ANKS6: variants seen among roughly 807,000 people sequenced by gnomAD.
ANKS6 encodes the protein ankyrin repeat and sterile alpha motif domain containing 6.
ANKS6 carries 47 observed loss-of-function variants against 77.9 expected under a neutral mutation model. The ratio of observed to expected loss-of-function variants is 0.60; its 90% CI spans 0.48 to 0.77. ANKS6 has a LOEUF of 0.77. ANKS6 is among the 30% of genes least tolerant of loss of function. ANKS6 has a pLI of 0.00. For synonymous variants in ANKS6, 488 were observed against 501.7 expected (o/e 0.97, Z 0.37); for missense variants, 1,150 against 1,159.1 (o/e 0.99, Z 0.11).
At chr9:98,758,637 ACT>A (rs573687165) in intron 11 of ANKS6, among the ~76,000 whole-genome samples, 38 of 152,102 alleles carry the variant, frequency 2.5e-4, no homozygotes, top group African/African-American at 8.7e-4. Flanking sequence ...TGTGTGTGCA[ACT>A]CTCTGTGTAT....
intron 12 of ANKS6, 53 bp from the exon 13 acceptor site, chr9:98,751,149 T>C: frequency 7.0e-7 from 1 of 1,427,178 alleles, no homozygotes; most frequent in South Asian, 1.2e-5. Flanking sequence ...TTTGGTAAAG[T>C]GGTCTTCAAA....
chr9:98,739,265 A>C (rs923523019), intron 14 of ANKS6, among the ~76,000 whole-genome samples: 2 of 152,026 alleles, frequency 1.3e-5, no homozygotes, highest in Admixed American at 1.3e-4. Context: ...CCAATAATCT[A>C]TGGAAATAAA....
At position 98,771,040 on chromosome 9, in the gene ANKS6, C is replaced by A; in HGVS notation, c.1828G>T (p.Val610Phe). 2 of 1,566,538 alleles carry A rather than the reference C, an allele frequency of 1.3e-6. No individual in the cohort carries two copies. The highest frequency in any genetic ancestry group is 1.7e-4 in the Middle Eastern group (1 of 5,878). Reference protein sequence around the residue: ...VGGGGTDTTPVRPVKFPSLPR... With the variant: ...VGGGGTDTTPFRPVKFPSLPR... ...AGGCTTGGAAATTTAACAGGCCTGA[C>A]GGGTGTCTACAAGAATAAGGCAGGT... Residue 610 changes from valine to phenylalanine, a missense_variant, in exon 10 of 15, where the codon GTC (valine) becomes TTC (phenylalanine). Val to Phe is a conservative substitution (Grantham distance 50). Transcript: ENST00000353234.
intron 2 of ANKS6, among the ~76,000 whole-genome samples, chr9:98,787,648 G>A (rs1475247211): frequency 6.6e-6 from 1 of 152,126 alleles, no homozygotes; most frequent in Admixed American, 6.5e-5. Flanking sequence ...ATGTGCCAGG[G>A]CACTGCGATG....
At chr9:98,744,493 C>T (rs1253265883) in intron 14 of ANKS6, among the ~76,000 whole-genome samples, 1 of 152,190 alleles carries the variant, frequency 6.6e-6, no homozygotes, top group Non-Finnish European at 1.5e-5. Context: ...GTAAGGACAT[C>T]GGCCTCCTTG....
intron 11 of ANKS6, among the ~76,000 whole-genome samples, chr9:98,760,386 ACCCTCTAATCCTACCCTCTAATCCTG>A (rs1005868062): frequency 2.7e-5 from 4 of 150,512 alleles, no homozygotes; most frequent in Non-Finnish European, 5.9e-5. Flanking sequence ...GAAAGGCTCA[ACCCTCTAATCCTACCCTCTAATCCTG>A]CCCTCTAATC....
intron 13 of ANKS6, among the ~76,000 whole-genome samples, chr9:98,750,031 T>C (rs887266490): frequency 6.6e-6 from 1 of 152,266 alleles, no homozygotes; most frequent in Non-Finnish European, 1.5e-5. Context: ...TCATCTACCA[T>C]AAAATTCACC....
chr9:98,736,043 T>C lies in ANKS6; in HGVS notation c.*476A>G, dbSNP rs1328434996. On this transcript the variant is annotated 3_prime_UTR_variant, in exon 15 of 15. Transcript: ENST00000353234. ...AAGTTGTTGCTGGGAAGCCACTATGTGGAGACTGCACATCCTGGCCTCCTC... is the reference window on the plus strand; with the variant it reads ...AAGTTGTTGCTGGGAAGCCACTATGCGGAGACTGCACATCCTGGCCTCCTC... 1.2e-5 allele frequency: 14 copies of C among 1,193,116 alleles called. No individual in the cohort carries two copies. Among genetic ancestry groups the C allele is most frequent in the African/African-American group, 4.7e-5 (3 of 63,668 alleles). 73.9% of individuals were successfully genotyped at this position (1,193,116 alleles called of 1,614,324 possible).
intron 1 of ANKS6, among the ~76,000 whole-genome samples, chr9:98,793,559 T>C (rs979865295): frequency 6.6e-6 from 1 of 152,082 alleles, no homozygotes; most frequent in African/African-American, 2.4e-5. Flanking sequence ...TCTCGCTCTG[T>C]CGCCAGGCTG....
At chr9:98,768,452 G>A (rs534406174) in intron 10 of ANKS6, among the ~76,000 whole-genome samples, 17 of 152,296 alleles carry the variant, frequency 1.1e-4, no homozygotes, top group African/African-American at 3.9e-4. Flanking sequence ...TCTGTGCTGC[G>A]AAGGCGTAAT....
chr9:98,743,307 A>G (rs566392643), intron 14 of ANKS6, among the ~76,000 whole-genome samples: 1 of 139,518 alleles, frequency 7.2e-6, no homozygotes, highest in Admixed American at 7.4e-5. Flanking sequence ...CCCCTCCCCA[A>G]AGCCCTTTCC....
chr9:98,796,323 G>A lies in ANKS6; in HGVS notation c.169C>T (p.Pro57Ser). Reference sequence around the variant, plus strand: ...ACTGCCCCCGCCGCTGCGGCCCCGGGCCCGGCCACCTCGGCCCCCGCCGGC... The same window carrying A: ...ACTGCCCCCGCCGCTGCGGCCCCGGACCCGGCCACCTCGGCCCCCGCCGGC... ...AEPAGAEVAG[P>S]GAAAAGAVGA... Residue 57 changes from proline to serine, a missense_variant, in exon 1 of 15, where the codon CCC becomes TCC. Coordinates refer to ENST00000353234, the MANE Select transcript of ANKS6 (RefSeq NM_173551.5). 3 of 1,220,946 alleles carry A rather than the reference G, an allele frequency of 2.5e-6. No individual in the cohort carries two copies. The highest frequency in any genetic ancestry group is 3.1e-6 in the Non-Finnish European group (3 of 982,106). 75.6% of individuals were successfully genotyped at this position (1,220,946 alleles called of 1,614,324 possible). A position where few individuals can be genotyped will look rare whatever the true frequency, so the allele number is the denominator to read the frequency against.
At chr9:98,741,591 A>T (rs1188976408) in intron 14 of ANKS6, among the ~76,000 whole-genome samples, 2 of 152,230 alleles carry the variant, frequency 1.3e-5, no homozygotes, top group African/African-American at 4.8e-5. Context: ...TGCATTGACA[A>T]TCACAAAAAA....
chr9:98,783,104 A>G (rs931041315), intron 4 of ANKS6, among the ~76,000 whole-genome samples: 1 of 135,384 alleles, frequency 7.4e-6, no homozygotes, highest in Admixed American at 7.8e-5. Context: ...AAAAGAAAAG[A>G]GAAGGGAAGG....
chr9:98,782,316 G>C, intron 5 of ANKS6, 151 bp downstream of exon 5: 2 of 721,172 alleles, frequency 2.8e-6, no homozygotes, highest in Non-Finnish European at 4.6e-6. Flanking sequence ...ACTTGCCTAA[G>C]ATCATGCAGT....
intron 12 of ANKS6, among the ~76,000 whole-genome samples, chr9:98,752,806 G>A (rs1274734730): frequency 6.6e-6 from 1 of 152,162 alleles, no homozygotes; most frequent in Non-Finnish European, 1.5e-5. Context: ...TCTCATGGGT[G>A]GTGCATGCTA....
Position 98,756,504 on chromosome 9 carries a change from C to CCCTTTG in ANKS6, c.2241_2242insCAAAGG (p.Thr747_Ala748insGlnArg), listed in dbSNP as rs1564189518. On this transcript the variant is annotated inframe_insertion, in exon 12 of 15. Coordinates refer to ENST00000353234, the MANE Select transcript of ANKS6 (RefSeq NM_173551.5). ...GACGAGGAAGACACTGAGGACTCTG[C>CCCTTTG]AGTGTGCCCTTTGGGTGAGGGGGAG... 1.9e-6 allele frequency: 3 copies of CCCTTTG among 1,611,762 alleles called. No individual in the cohort carries two copies. The highest frequency in any genetic ancestry group is 2.7e-5 in the African/African-American group (2 of 74,736).
At position 98,774,510 on chromosome 9, in the gene ANKS6, G is replaced by A. The variant is rs117269937; in HGVS notation, c.1618-430C>T. On this transcript the variant is annotated intron_variant, in intron 8 of 14. Coordinates refer to ENST00000353234, the MANE Select transcript of ANKS6 (RefSeq NM_173551.5). ...GGAGGTGCATTCCAGACTGAGTGAG[G>A]GGCCAGAATATGGAAAGGCCTGGAA... Among the ~76,000 whole-genome samples, 754 of 152,236 alleles carry A rather than the reference G, an allele frequency of 5.0e-3. 6 individuals are homozygous for A. The highest frequency in any genetic ancestry group is 0.022 in the South Asian group (107 of 4,816).
At chr9:98,789,893 G>A (rs1214686382) in intron 2 of ANKS6, 13 of 622,626 alleles carry the variant, frequency 2.1e-5, no homozygotes, top group South Asian at 1.4e-4. Context: ...CTTGCCCAGG[G>A]CTACCAAATC....
Sources: gnomAD v4.1 joint callset for allele counts (sites outside exome capture counted in the v4.1 genomes callset) on GRCh38, gnomAD v4.1.1 for gene constraint, MANE v1.5 for transcripts, NCBI Gene and HGNC (gene_info 2026-07-23, HGNC 2026-07-21) for gene names.